Variants in NPHP4 observed in about 807,000 individuals in gnomAD.
The protein encoded by NPHP4 is nephrocystin-4.
In NPHP4, 151 loss-of-function variants were observed where a neutral mutation model predicts 155.8. That is an observed-to-expected ratio of 0.97 (90% CI 0.85 to 1.11). The LOEUF (loss-of-function observed/expected upper bound fraction) is 1.11. Ranked by LOEUF, NPHP4 falls within the 50% of genes least tolerant of loss-of-function variation. The pLI is 0.00. For missense variants in NPHP4, 1,956 were observed against 1,925.7 expected (o/e 1.02, Z -0.29); for synonymous variants, 845 against 816.8 (o/e 1.03, Z -0.59).
At chr1:5,863,776 G>T in intron 29 of NPHP4, 114 bp downstream of exon 29, 1 of 1,183,388 alleles carries the variant, frequency 8.5e-7, no homozygotes, top group Non-Finnish European at 1.2e-6. Flanking sequence ...CCGCCCTGGG[G>T]CTTTTGGAAG....
intron 5 of NPHP4, among the ~76,000 whole-genome samples, chr1:5,964,931 A>ATTTTTTTTTT (rs1188241159): frequency 1.3e-4 from 3 of 23,900 alleles, no homozygotes; most frequent in Non-Finnish European, 2.1e-4. Context: ...ATATATATAT[A>ATTTTTTTTTT]TATATATATA....
intron 3 of NPHP4, among the ~76,000 whole-genome samples, chr1:5,970,710 C>T (rs1011851575): frequency 3.9e-5 from 6 of 151,974 alleles, no homozygotes; most frequent in East Asian, 1.9e-4. Context: ...TAAGGAGAGC[C>T]GAGGCTGGTC....
chr1:5,886,659 T>C (rs1277969235), intron 18 of NPHP4: 1 of 152,410 alleles, frequency 6.6e-6, no homozygotes, highest in African/African-American at 2.4e-5. Flanking sequence ...GCACCCAGCC[T>C]TGTGTCCCTT....
intron 11 of NPHP4, among the ~76,000 whole-genome samples, chr1:5,914,021 G>A (rs1645325784): frequency 1.3e-5 from 2 of 152,126 alleles, no homozygotes; most frequent in African/African-American, 4.8e-5. Flanking sequence ...TCTTCATCAC[G>A]CACGCGGGCC....
intron 3 of NPHP4, among the ~76,000 whole-genome samples, chr1:5,976,528 C>T (rs547944440): frequency 2.1e-4 from 32 of 152,218 alleles, no homozygotes; most frequent in South Asian, 1.0e-3. Flanking sequence ...AGCGCAGGCC[C>T]GAGGGGACCC....
intron 1 of NPHP4, among the ~76,000 whole-genome samples, chr1:5,988,132 T>G (rs11120974): frequency 6.6e-6 from 1 of 152,210 alleles, no homozygotes. Flanking sequence ...CCACCCAAAG[T>G]GCAAGACAGA....
chr1:5,922,537 C>T (rs1486549872), intron 11 of NPHP4, among the ~76,000 whole-genome samples: 1 of 151,342 alleles, frequency 6.6e-6, no homozygotes, highest in Admixed American at 6.6e-5. Flanking sequence ...CTATTCTTGA[C>T]TATGGTTTTT....
At chr1:5,901,064 A>G (rs572948267) in intron 16 of NPHP4, among the ~76,000 whole-genome samples, 2 of 152,166 alleles carry the variant, frequency 1.3e-5, no homozygotes, top group South Asian at 2.1e-4. Flanking sequence ...ACAAAAAAGA[A>G]TATGTCACAC....
Position 5,972,047 on chromosome 1 carries a change from T to C in NPHP4, c.280-2788A>G, listed in dbSNP as rs533688989. Among the ~76,000 whole-genome samples, 25 of 152,370 alleles carry C rather than the reference T, an allele frequency of 1.6e-4. 1 individual carries two copies. The South Asian group carries it at 4.8e-3, about 29-fold the overall frequency. On this transcript the variant is annotated intron_variant, in intron 3 of 29. Transcript: ENST00000378156. ...TTCACCCGCAGTGATGGAAGTGGAA[T>C]TGGGCCTCTGCCGATGTGCCTGGAT...
chr1:5,911,658 G>A (rs1298542687), intron 11 of NPHP4, among the ~76,000 whole-genome samples: 1 of 152,072 alleles, frequency 6.6e-6, no homozygotes, highest in Non-Finnish European at 1.5e-5. Context: ...CATTTAAAAA[G>A]GCCATTAAAG....
chr1:5,953,824 C>T (rs1426223121), intron 6 of NPHP4, among the ~76,000 whole-genome samples: 1 of 152,360 alleles, frequency 6.6e-6, no homozygotes, highest in South Asian at 2.1e-4. Context: ...GTTTCCCAAC[C>T]TACACACACC....
At position 5,978,300 on chromosome 1, in the gene NPHP4, C is replaced by T. The variant is rs751779849; in HGVS notation, c.249G>A (p.Lys83=). 2.5e-6 allele frequency: 4 copies of T among 1,608,566 alleles called. No individual in the cohort carries two copies. In the East Asian group the frequency reaches 8.9e-5, roughly 36 times the overall value. Residue 83 remains lysine, a synonymous_variant, in exon 3 of 30, where the codon AAG becomes AAA. Coordinates refer to ENST00000378156, the MANE Select transcript of NPHP4 (RefSeq NM_015102.5). ...RTWKTTVKPT[K]RPPSRIVFNE... Reference sequence around the variant, plus strand: ...TAAAGACGATCCTGGACGGCGGTCTCTTCGTCGGCTTCACTGTGGTTTTCC... The same window carrying T: ...TAAAGACGATCCTGGACGGCGGTCTTTTCGTCGGCTTCACTGTGGTTTTCC...
Position 5,962,579 on chromosome 1 carries a change from G to C in NPHP4, c.518-630C>G, listed in dbSNP as rs114202527. Among the ~76,000 whole-genome samples the C allele has an allele frequency of 7.1e-3, 1,078 of 152,344 alleles. 8 individuals carry two copies. The highest frequency in any genetic ancestry group is 0.024 in the African/African-American group (1,012 of 41,574). ...GGGCAGCACTGGAGGGAGGCCAGCA[G>C]CATCAGAGACAGAGCCCTGTCCTCA... is the stretch of plus-strand genomic sequence containing the variant. On this transcript the variant is annotated intron_variant, in intron 5 of 29. Transcript: ENST00000378156.
At chr1:5,963,090 A>T (rs537975560) in intron 5 of NPHP4, among the ~76,000 whole-genome samples, 1 of 152,334 alleles carries the variant, frequency 6.6e-6, no homozygotes, top group African/African-American at 2.4e-5. Context: ...CTAAATATGA[A>T]CTACTGTATT....
chr1:5,945,281 C>A (rs1364297878), intron 9 of NPHP4, among the ~76,000 whole-genome samples: 1 of 152,090 alleles, frequency 6.6e-6, no homozygotes, highest in Admixed American at 6.5e-5. Context: ...CATTTCTCCT[C>A]CGCTCACTCC....
chr1:5,878,343 C>T (rs115825861), intron 19 of NPHP4, among the ~76,000 whole-genome samples: 2,043 of 152,338 alleles, frequency 0.013, 47 homozygotes, highest in African/African-American at 0.046. Flanking sequence ...TCTGCAGATG[C>T]CCCGCGTGGC....
At position 5,920,241 on chromosome 1, in the gene NPHP4, T is replaced by A. The variant is rs559653290; in HGVS notation, c.1441+7408A>T. On this transcript the variant is annotated intron_variant, in intron 11 of 29. Transcript: ENST00000378156. ...CCACCGCGCCCGGCCTTAAGTTTTTTGTAGAGTCAGGGCCTTGCTATGTTA... is the reference window on the plus strand; with the variant it reads ...CCACCGCGCCCGGCCTTAAGTTTTTAGTAGAGTCAGGGCCTTGCTATGTTA... 4.2e-4 allele frequency among the ~76,000 whole-genome samples: 64 copies of A among 152,002 alleles called. 1 individual carries two copies. The highest frequency in any genetic ancestry group is 1.5e-3 in the African/African-American group (63 of 41,450).
intron 16 of NPHP4, among the ~76,000 whole-genome samples, chr1:5,900,619 T>G (rs1320028955): frequency 1.3e-5 from 2 of 152,180 alleles, no homozygotes; most frequent in African/African-American, 4.8e-5. Context: ...TCCATCATGG[T>G]GGATCCATGA....
At chr1:5,939,904 C>T (rs978861545) in intron 9 of NPHP4, among the ~76,000 whole-genome samples, 6 of 152,116 alleles carry the variant, frequency 3.9e-5, no homozygotes, top group East Asian at 3.9e-4. Flanking sequence ...GACAGTCACA[C>T]CCCCACCAGG....
Sources: allele counts gnomAD v4.1 joint callset (sites outside exome capture counted in the v4.1 genomes callset), GRCh38; gene constraint gnomAD v4.1.1; transcripts MANE v1.5; gene names NCBI Gene and HGNC (gene_info 2026-07-23, HGNC 2026-07-21).